The following NIPBL variants were observed in gnomAD, a reference collection of about 807,000 sequenced individuals.
NIPBL encodes the protein nipped-B-like protein.
In NIPBL, 19 loss-of-function variants were observed where a neutral mutation model predicts 321.8. That is an observed-to-expected ratio of 0.06 (90% CI 0.04 to 0.09). The LOEUF (loss-of-function observed/expected upper bound fraction) is 0.09. NIPBL is among the 10% of genes least tolerant of loss of function. The pLI is 1.00. For missense variants in NIPBL, 2,210 were observed against 3,327.0 expected (o/e 0.66, Z 8.26); for synonymous variants, 1,106 against 1,114.1 (o/e 0.99, Z 0.14).
chr5:37,051,881 A>G lies in NIPBL; in HGVS notation c.7057A>G (p.Ile2353Val), dbSNP rs746511205. The change falls in exon 41 of 47, where the codon ATT becomes GTT. Residue 2353 changes from isoleucine (I) to valine (V), a missense_variant. Transcript: ENST00000282516. ...VEIDKKYAGF[I>V]HMKAVAGMKM... is the part of the protein sequence containing the mutation. ...AATAGACAAAAAATATGCTGGATTC[A>G]TTCATGTATGTATTTTAACATTTTA... 6 of 1,605,620 alleles carry G rather than the reference A, an allele frequency of 3.7e-6. No homozygotes were observed. In the Admixed American group the frequency reaches 5.0e-5, roughly 13 times the overall value.
chr5:36,963,694 C>T (rs1042764452), intron 6 of NIPBL, among the ~76,000 whole-genome samples: 2 of 151,754 alleles, frequency 1.3e-5, no homozygotes, highest in African/African-American at 4.8e-5. Context: ...CCCAGCTACT[C>T]AGGAGGATGG....
At chr5:37,058,371 A>G (rs1340914373) in intron 43 of NIPBL, among the ~76,000 whole-genome samples, 1 of 152,232 alleles carries the variant, frequency 6.6e-6, no homozygotes, top group Non-Finnish European at 1.5e-5. Context: ...CACACCACAC[A>G]AACTGCTTAA....
intron 1 of NIPBL, among the ~76,000 whole-genome samples, chr5:36,890,347 A>G (rs993895348): frequency 9.9e-5 from 15 of 152,236 alleles, no homozygotes; most frequent in Non-Finnish European, 2.2e-4. Context: ...GAACATTTTT[A>G]TGGCCTTTAA....
chr5:36,979,693 T>A, intron 9 of NIPBL, among the ~76,000 whole-genome samples: 1 of 151,782 alleles, frequency 6.6e-6, no homozygotes, highest in Non-Finnish European at 1.5e-5. Context: ...GTTTGCAGTA[T>A]GAGGTTCAGG....
intron 10 of NIPBL, among the ~76,000 whole-genome samples, chr5:36,992,375 G>GAT (rs1745626460): frequency 6.6e-6 from 1 of 152,148 alleles, no homozygotes; most frequent in Non-Finnish European, 1.5e-5. Flanking sequence ...TATACTAAGA[G>GAT]ATAGCAAGAC....
chr5:36,964,316 A>T (rs973288313), intron 6 of NIPBL, among the ~76,000 whole-genome samples: 1 of 152,188 alleles, frequency 6.6e-6, no homozygotes, highest in South Asian at 2.1e-4. Flanking sequence ...AAAAGAAAAA[A>T]GCTGGAGGCA....
intron 1 of NIPBL, among the ~76,000 whole-genome samples, chr5:36,903,654 G>T (rs1048162271): frequency 3.9e-5 from 6 of 152,086 alleles, no homozygotes; most frequent in Admixed American, 2.0e-4. Flanking sequence ...GCTAAAAATA[G>T]ACTTGTAGAT....
At chr5:36,951,261 G>C (rs1458270942) in intron 1 of NIPBL, among the ~76,000 whole-genome samples, 1 of 152,106 alleles carries the variant, frequency 6.6e-6, no homozygotes, top group African/African-American at 2.4e-5. Context: ...CTAGCCTGGG[G>C]TTGGATCTGC....
At chr5:36,929,991 G>C (rs1749659439) in intron 1 of NIPBL, among the ~76,000 whole-genome samples, 1 of 151,914 alleles carries the variant, frequency 6.6e-6, no homozygotes, top group Non-Finnish European at 1.5e-5. Context: ...TAGCTTCATA[G>C]TAAGTTTTGA....
At chr5:36,917,866 C>G (rs1175119904) in intron 1 of NIPBL, among the ~76,000 whole-genome samples, 4 of 151,748 alleles carry the variant, frequency 2.6e-5, no homozygotes, top group Non-Finnish European at 5.9e-5. Flanking sequence ...GGGCTCTGTT[C>G]TGTTCCATTG....
intron 9 of NIPBL, among the ~76,000 whole-genome samples, chr5:36,983,441 A>G (rs1195413689): frequency 1.3e-5 from 2 of 151,058 alleles, no homozygotes; most frequent in Admixed American, 6.6e-5. Context: ...TACCATTAGG[A>G]AAAAAAAATC....
chr5:36,886,442 T>C lies in NIPBL; in HGVS notation c.-80+9264T>C, dbSNP rs55959029. On this transcript the variant is annotated intron_variant, in intron 1 of 46. Coordinates refer to ENST00000282516, the MANE Select transcript of NIPBL (RefSeq NM_133433.4). ...ATCCAAAAGACCACCACCCGCTGGA[T>C]AGTGGATGGCAGAGTGGTGTCTGAG... 3 of 743,736 alleles carry C rather than the reference T, an allele frequency of 4.0e-6. No individual in the cohort carries two copies. In the African/African-American group the frequency reaches 5.1e-5, roughly 13 times the overall value. 46.1% of individuals were successfully genotyped at this position (743,736 alleles called of 1,614,324 possible). A position where few individuals can be genotyped will look rare whatever the true frequency, so the allele number is the denominator to read the frequency against.
chr5:36,876,823 T>TGCC lies in NIPBL; in HGVS notation c.-435_-434insGCC. 8.5e-6 allele frequency: 3 copies of TGCC among 352,496 alleles called. No homozygotes were observed. The highest frequency in any genetic ancestry group is 1.5e-5 in the Non-Finnish European group (3 of 204,034). The allele number at this position is 352,496 out of a possible 1,614,324, so 21.8% of individuals were successfully genotyped here. On this transcript the variant is annotated 5_prime_UTR_variant, in exon 1 of 47. Coordinates refer to ENST00000282516, the MANE Select transcript of NIPBL (RefSeq NM_133433.4). ...AGAGAGAGACACACACAGGGCTCCT[T>TGCC]CCCCCCGCCCTCCCCCCCCTCCCTC...
At chr5:36,952,071 CGCATGT>C (rs1452737975) in intron 1 of NIPBL, among the ~76,000 whole-genome samples, 3 of 125,824 alleles carry the variant, frequency 2.4e-5, no homozygotes, top group Admixed American at 1.6e-4. Flanking sequence ...CGCGCGCGCG[CGCATGT>C]GTGTGTGTAG....
At chr5:36,981,866 G>T (rs959224064) in intron 9 of NIPBL, among the ~76,000 whole-genome samples, 1 of 151,736 alleles carries the variant, frequency 6.6e-6, no homozygotes, top group Non-Finnish European at 1.5e-5. Context: ...ATAAGAGACC[G>T]GGATTTTGGT....
intron 1 of NIPBL, among the ~76,000 whole-genome samples, chr5:36,931,331 T>G (rs1749759207): frequency 6.6e-6 from 1 of 152,150 alleles, no homozygotes; most frequent in Admixed American, 6.5e-5. Flanking sequence ...TTTTTTTATT[T>G]TTTTGAAAAG....
intron 10 of NIPBL, among the ~76,000 whole-genome samples, chr5:36,994,610 T>A (rs1316716224): frequency 6.6e-6 from 1 of 152,136 alleles, no homozygotes; most frequent in African/African-American, 2.4e-5. Flanking sequence ...TTGCTTCCAA[T>A]TCATAAAATT....
At chr5:37,052,068 G>A (rs1370591783) in intron 41 of NIPBL, among the ~76,000 whole-genome samples, 182 bp downstream of exon 41, 2 of 151,972 alleles carry the variant, frequency 1.3e-5, no homozygotes, top group Non-Finnish European at 1.5e-5. Flanking sequence ...TTAAGGTTGG[G>A]CTAGAGGTGA....
chr5:37,051,601 G>T (rs771774221), intron 40 of NIPBL, 178 bp from the exon 41 acceptor site: 3 of 612,438 alleles, frequency 4.9e-6, no homozygotes, highest in Admixed American at 3.0e-5. Context: ...GTGCTTTCTG[G>T]ATTTAAGCTG....
Sources: gnomAD v4.1 joint callset for allele counts (sites outside exome capture counted in the v4.1 genomes callset) on GRCh38, gnomAD v4.1.1 for gene constraint, MANE v1.5 for transcripts, NCBI Gene and HGNC (gene_info 2026-07-23, HGNC 2026-07-21) for gene names.